The following CEP128 variants were observed in gnomAD, a reference collection of about 807,000 sequenced individuals.
CEP128 encodes the protein centrosomal protein 128kDa.
A neutral mutation model predicts 156.7 loss-of-function variants in CEP128; 132 were observed. The observed-to-expected ratio is 0.84, with a 90% CI of 0.73 to 0.97. CEP128 has a LOEUF of 0.97. CEP128 is among the 50% of genes least tolerant of loss of function. The probability of loss-of-function intolerance (pLI) is 0.00; values close to 1 mark genes in which losing one functional copy is unlikely to be tolerated. For missense variants in CEP128, 1,252 were observed against 1,281.9 expected (o/e 0.98, Z 0.36); for synonymous variants, 469 against 448.9 (o/e 1.04, Z -0.57).
At chr14:80,923,555 G>C (rs962697794) in intron 2 of CEP128, among the ~76,000 whole-genome samples, 2 of 152,178 alleles carry the variant, frequency 1.3e-5, no homozygotes, top group Admixed American at 6.5e-5. Context: ...CATCAGGGGT[G>C]ATATTTCACA....
At chr14:80,893,910 G>A (rs1280898024) in intron 8 of CEP128, among the ~76,000 whole-genome samples, 1 of 151,994 alleles carries the variant, frequency 6.6e-6, no homozygotes, top group Non-Finnish European at 1.5e-5. Context: ...CGACTGTAAA[G>A]TAGTGGGGAA....
intron 19 of CEP128, among the ~76,000 whole-genome samples, chr14:80,653,147 A>C (rs758269473): frequency 2.0e-5 from 3 of 152,098 alleles, no homozygotes; most frequent in Admixed American, 6.6e-5. Context: ...ATGAGAACAC[A>C]TGGACACAAG....
chr14:80,783,971 T>C (rs1327099628), intron 15 of CEP128, among the ~76,000 whole-genome samples: 1 of 152,202 alleles, frequency 6.6e-6, no homozygotes, highest in East Asian at 1.9e-4. Flanking sequence ...ACTCATAGAA[T>C]AGCTACATCA....
At position 80,791,488 on chromosome 14, in the gene CEP128, T is replaced by A. The variant is rs566978304; in HGVS notation, c.1560+1272A>T. Among the ~76,000 whole-genome samples the A allele has an allele frequency of 2.3e-4, 35 of 152,362 alleles. No individual in the cohort carries two copies. The South Asian group carries it at 6.2e-3, about 27-fold the overall frequency. On this transcript the variant is annotated intron_variant, in intron 14 of 24. Transcript: ENST00000555265. ...CCCTTCTAAATCTCTTCTAATTAAGTAAAACCTCCAGATGAGATTTTCAAT... is the reference window on the plus strand; with the variant it reads ...CCCTTCTAAATCTCTTCTAATTAAGAAAAACCTCCAGATGAGATTTTCAAT...
chr14:80,905,668 T>A, intron 5 of CEP128: 1 of 272,000 alleles, frequency 3.7e-6, no homozygotes. Context: ...CATAGCGAAT[T>A]TATGTATTTG....
At chr14:80,901,408 C>T (rs760549018) in intron 6 of CEP128, among the ~76,000 whole-genome samples, 1 of 152,152 alleles carries the variant, frequency 6.6e-6, no homozygotes, top group Non-Finnish European at 1.5e-5. Context: ...ACAAAATGCA[C>T]ATTAAGCAAT....
chr14:80,859,557 TTA>T (rs1269794669), intron 9 of CEP128, among the ~76,000 whole-genome samples: 3 of 145,598 alleles, frequency 2.1e-5, no homozygotes, highest in African/African-American at 8.4e-5. Flanking sequence ...TAATAATAAA[TTA>T]ATTAATTTTT....
intron 23 of CEP128, among the ~76,000 whole-genome samples, chr14:80,510,920 G>A (rs1888215719): frequency 6.6e-6 from 1 of 151,820 alleles, no homozygotes; most frequent in African/African-American, 2.4e-5. Flanking sequence ...ACTGGTGGAT[G>A]TGTGTATGTT....
chr14:80,793,111 C>T lies in CEP128; in HGVS notation c.1210-1G>A. ...CATTCTCCAGTTCACGTGTTAAATT[C>T]TACGAATAAAGCATGCAAAACATTA... On this transcript the variant is annotated splice_acceptor_variant, in intron 13 of 24. Coordinates refer to ENST00000555265, the MANE Select transcript of CEP128 (RefSeq NM_152446.5). LOFTEE classifies it high-confidence loss of function. 6.2e-7 allele frequency: 1 copy of T among 1,605,968 alleles called. No homozygotes were observed.
Position 80,526,889 on chromosome 14 carries a change from A to G in CEP128, c.3052T>C (p.Tyr1018His), listed in dbSNP as rs755751753. 9.4e-6 allele frequency: 15 copies of G among 1,603,898 alleles called. No individual in the cohort carries two copies. In the South Asian group the frequency reaches 1.5e-4, roughly 17 times the overall value. The stretch of plus-strand genomic sequence containing the variant: ...ATTACTTTGAAACTTTTGGTTCTGT[A>G]CTTGGTGTCATCTTGGTGATGCTGA... ...SLQHHQDDTK[Y>H]RTKSFKGDRT... is the part of the protein sequence containing the mutation. Residue 1018 changes from tyrosine to histidine, a missense_variant, in exon 23 of 25, where the codon TAC (tyrosine) becomes CAC (histidine). By Grantham distance (83) the Tyr-to-His change is moderately conservative. Coordinates refer to ENST00000555265, the MANE Select transcript of CEP128 (RefSeq NM_152446.5).
intron 21 of CEP128, among the ~76,000 whole-genome samples, chr14:80,542,156 T>C (rs143674315): frequency 2.4e-4 from 37 of 152,376 alleles, no homozygotes; most frequent in Non-Finnish European, 2.9e-5. Flanking sequence ...TATGTGTATA[T>C]GTACCTCCCA....
intron 2 of CEP128, chr14:80,955,964 GTA>G: frequency 7.9e-7 from 1 of 1,260,334 alleles, no homozygotes; most frequent in South Asian, 1.2e-5. Context: ...GTGAGTGTGT[GTA>G]TGTGTGAGTG....
intron 13 of CEP128, chr14:80,822,525 T>C (rs536326970): frequency 9.2e-6 from 6 of 649,774 alleles, no homozygotes; most frequent in Admixed American, 3.7e-5. Flanking sequence ...GCCGCCACCA[T>C]GCCCAAGAGA....
At chr14:80,790,699 A>T (rs1333820577) in intron 14 of CEP128, among the ~76,000 whole-genome samples, 1 of 152,144 alleles carries the variant, frequency 6.6e-6, no homozygotes, top group Non-Finnish European at 1.5e-5. Flanking sequence ...AAAAAGCAGG[A>T]AAAAAGAAAT....
intron 7 of CEP128, among the ~76,000 whole-genome samples, chr14:80,898,305 G>T (rs75489996): frequency 6.6e-6 from 1 of 152,186 alleles, no homozygotes; most frequent in East Asian, 1.9e-4. Flanking sequence ...TAAACATGAA[G>T]TAAGAATCTG....
chr14:80,907,196 T>C (rs1193603326), intron 4 of CEP128, among the ~76,000 whole-genome samples: 1 of 152,182 alleles, frequency 6.6e-6, no homozygotes, highest in African/African-American at 2.4e-5. Context: ...GCTGCTCTAA[T>C]TGAAACAATC....
At chr14:80,601,466 A>G (rs1485553054) in intron 19 of CEP128, among the ~76,000 whole-genome samples, 3 of 152,140 alleles carry the variant, frequency 2.0e-5, no homozygotes, top group Non-Finnish European at 4.4e-5. Flanking sequence ...AAAATCTCAT[A>G]ATGTTTTAAG....
intron 21 of CEP128, among the ~76,000 whole-genome samples, chr14:80,547,740 G>T (rs752213345): frequency 6.6e-6 from 1 of 151,612 alleles, no homozygotes; most frequent in Non-Finnish European, 1.5e-5. Context: ...GAAATTTTGT[G>T]AACACCCCAG....
rs568885591 is a variant in CEP128 at position 80,583,745 on chromosome 14, T to A, written c.2807-3322A>T. On this transcript the variant is annotated intron_variant, in intron 19 of 24. Coordinates refer to ENST00000555265, the MANE Select transcript of CEP128 (RefSeq NM_152446.5). The stretch of plus-strand genomic sequence containing the variant: ...ACAAACCTCCTGGACTTCCAATACA[T>A]AATTCTTCCTCTATTCTTTTTCTTA... 6.6e-5 allele frequency among the ~76,000 whole-genome samples: 10 copies of A among 152,322 alleles called. No individual in the cohort carries two copies. The East Asian group carries it at 1.4e-3, about 21-fold the overall frequency.
Sources: allele counts gnomAD v4.1 joint callset (sites outside exome capture counted in the v4.1 genomes callset), GRCh38; gene constraint gnomAD v4.1.1; transcripts MANE v1.5; gene names NCBI Gene and HGNC (gene_info 2026-07-23, HGNC 2026-07-21).